Variants in VPS53 observed in about 807,000 individuals in gnomAD.
VPS53 encodes the protein vacuolar protein sorting-associated protein 53 homolog.
VPS53 carries 70 observed loss-of-function variants against 107.0 expected under a neutral mutation model. The ratio of observed to expected loss-of-function variants is 0.65; its 90% CI spans 0.54 to 0.80. VPS53 has a LOEUF of 0.80. Ranked by LOEUF, VPS53 falls within the 30% of genes least tolerant of loss-of-function variation. VPS53 has a pLI of 0.00. For missense variants in VPS53, 917 were observed against 1,049.4 expected, an observed-to-expected ratio of 0.87 and a Z score of 1.74; for synonymous variants, 409 against 393.3, an observed-to-expected ratio of 1.04 and a Z score of -0.47.
intron 8 of VPS53, among the ~76,000 whole-genome samples, chr17:630,308 C>A (rs1295276270): frequency 1.3e-5 from 2 of 150,768 alleles, no homozygotes; most frequent in African/African-American, 4.9e-5. Flanking sequence ...AACAAACAAA[C>A]AAACAAAAAA....
At chr17:602,794 C>A (rs543526640) in intron 11 of VPS53, among the ~76,000 whole-genome samples, 1 of 152,338 alleles carries the variant, frequency 6.6e-6, no homozygotes, top group South Asian at 2.1e-4. Flanking sequence ...ACTACAGAAT[C>A]AAGGCAGCTC....
chr17:547,564 A>G (rs1911326230), intron 17 of VPS53, among the ~76,000 whole-genome samples: 1 of 152,176 alleles, frequency 6.6e-6, no homozygotes, highest in Non-Finnish European at 1.5e-5. Context: ...TGGGGTAATG[A>G]AGATGTTCTG....
At chr17:708,555 G>A (rs1045680474) in intron 2 of VPS53, among the ~76,000 whole-genome samples, 1 of 152,176 alleles carries the variant, frequency 6.6e-6, no homozygotes, top group Non-Finnish European at 1.5e-5. Context: ...CCGGATGACT[G>A]TGGGCAGGCC....
At chr17:551,735 A>G in intron 17 of VPS53, 137 bp downstream of exon 17, 1 of 647,526 alleles carries the variant, frequency 1.5e-6, no homozygotes, top group Non-Finnish European at 2.4e-6. Flanking sequence ...TGCTTTCAGG[A>G]ACTCCGGGGC....
chr17:584,852 T>C (rs144410075), intron 13 of VPS53, among the ~76,000 whole-genome samples: 3 of 152,314 alleles, frequency 2.0e-5, no homozygotes, highest in East Asian at 1.9e-4. Context: ...CTGTATTATA[T>C]AGATGATCCA....
chr17:590,205 C>T (rs1320616699), intron 12 of VPS53, among the ~76,000 whole-genome samples: 5 of 151,980 alleles, frequency 3.3e-5, no homozygotes, highest in African/African-American at 9.6e-5. Context: ...TAAGAATGCT[C>T]GTGATTTTTG....
intron 20 of VPS53, 39 bp downstream of exon 20, chr17:521,562 T>C: frequency 6.7e-7 from 1 of 1,496,666 alleles, no homozygotes; most frequent in South Asian, 1.3e-5. Context: ...GAAAAAGAGA[T>C]TAAATAAATA....
At chr17:576,851 A>T (rs1479089079) in intron 13 of VPS53, among the ~76,000 whole-genome samples, 1 of 142,070 alleles carries the variant, frequency 7.0e-6, no homozygotes, top group Non-Finnish European at 1.5e-5. Flanking sequence ...ACCTCAGTGC[A>T]TTCCCAGAGA....
chr17:629,798 C>CA (rs955509909), intron 8 of VPS53, among the ~76,000 whole-genome samples: 7 of 104,194 alleles, frequency 6.7e-5, no homozygotes, highest in East Asian at 5.0e-4. Context: ...AAAAACAAAA[C>CA]AAAAAAAAAA....
At chr17:645,103 T>A (rs996661758) in intron 7 of VPS53, among the ~76,000 whole-genome samples, 3 of 152,184 alleles carry the variant, frequency 2.0e-5, no homozygotes, top group African/African-American at 7.2e-5. Flanking sequence ...TTCCTTCAAA[T>A]TTTTAAAACT....
intron 4 of VPS53, among the ~76,000 whole-genome samples, chr17:695,451 G>A (rs1369432730): frequency 6.6e-6 from 1 of 152,128 alleles, no homozygotes; most frequent in Non-Finnish European, 1.5e-5. Context: ...GAAAGCACAG[G>A]CATGCTCGTA....
At chr17:554,984 GA>G (rs1912204389) in intron 15 of VPS53, among the ~76,000 whole-genome samples, 1 of 152,194 alleles carries the variant, frequency 6.6e-6, no homozygotes, top group South Asian at 2.1e-4. Flanking sequence ...AACAGAATAA[GA>G]GAGTTATTTA....
intron 13 of VPS53, among the ~76,000 whole-genome samples, chr17:578,165 C>A (rs570730749): frequency 6.6e-6 from 1 of 152,170 alleles, no homozygotes; most frequent in East Asian, 1.9e-4. Flanking sequence ...TCCCTCAGAA[C>A]CTAATGCGTT....
chr17:538,032 A>T (rs1199234103), intron 17 of VPS53: 1 of 152,264 alleles, frequency 6.6e-6, no homozygotes, highest in African/African-American at 2.4e-5. Flanking sequence ...TGGTCCCTGA[A>T]CAAGCTGTGA....
Position 565,941 on chromosome 17 carries a change from C to T in VPS53, c.1314-3196G>A, listed in dbSNP as rs373685498. Among the ~76,000 whole-genome samples the T allele has an allele frequency of 1.4e-3, 214 of 152,254 alleles. 3 individuals are homozygous for T. Among genetic ancestry groups the T allele is most frequent in the African/African-American group, 3.8e-3 (157 of 41,548 alleles). On this transcript the variant is annotated intron_variant, in intron 13 of 21. Transcript: ENST00000437048. ...ATAACCGGCCGGGCGCGGTGGCTCACGCCTGTAATCCCAGCACTTTGGGAG... is the reference window on the plus strand; with the variant it reads ...ATAACCGGCCGGGCGCGGTGGCTCATGCCTGTAATCCCAGCACTTTGGGAG...
chr17:599,272 C>T (rs1968199391), intron 12 of VPS53, among the ~76,000 whole-genome samples: 1 of 152,126 alleles, frequency 6.6e-6, no homozygotes, highest in Non-Finnish European at 1.5e-5. Context: ...TCATTGAGAA[C>T]GGGCCATGAT....
At chr17:593,006 A>G (rs950573924) in intron 12 of VPS53, among the ~76,000 whole-genome samples, 2 of 152,224 alleles carry the variant, frequency 1.3e-5, no homozygotes, top group African/African-American at 4.8e-5. Context: ...ATAATGCCGC[A>G]TATCTACAAC....
intron 8 of VPS53, among the ~76,000 whole-genome samples, chr17:630,393 C>A (rs78139873): frequency 5.9e-5 from 9 of 152,138 alleles, no homozygotes; most frequent in Admixed American, 2.6e-4. Context: ...TTCTCATGAG[C>A]GAATATCCCC....
At chr17:613,366 G>A (rs964885668) in intron 11 of VPS53, among the ~76,000 whole-genome samples, 11 of 150,446 alleles carry the variant, frequency 7.3e-5, no homozygotes, top group Admixed American at 6.0e-4. Context: ...GTGAAAACCT[G>A]CACAGATATT....
Sources: allele counts gnomAD v4.1 joint callset (sites outside exome capture counted in the v4.1 genomes callset), GRCh38; gene constraint gnomAD v4.1.1; transcripts MANE v1.5; gene names NCBI Gene and HGNC (gene_info 2026-07-23, HGNC 2026-07-21).